ODR4: variants seen among roughly 807,000 people sequenced by gnomAD.
ODR4 encodes odr-4 GPCR localization factor homolog, also known as protein odr-4 homolog.
Under a neutral mutation model 60.2 loss-of-function variants are expected in ODR4, and 47 were observed. That is an observed-to-expected ratio of 0.78 (90% CI 0.62 to 1.00). ODR4 has a LOEUF of 1.00. ODR4 is among the 50% of genes least tolerant of loss of function. ODR4 has a pLI of 0.00. For synonymous variants in ODR4, 178 were observed against 175.5 expected (o/e 1.01, Z -0.11); for missense variants, 488 against 530.8 (o/e 0.92, Z 0.79).
chr1:186,395,537 A>AT (rs1571678102), intron 9 of ODR4, among the ~76,000 whole-genome samples: 1 of 152,104 alleles, frequency 6.6e-6, no homozygotes, highest in Non-Finnish European at 1.5e-5. Context: ...AGTCTTATTG[A>AT]TTCCTTATTT....
At chr1:186,381,134 T>C (rs1660002229) in intron 2 of ODR4, among the ~76,000 whole-genome samples, 2 of 152,210 alleles carry the variant, frequency 1.3e-5, no homozygotes, top group African/African-American at 4.8e-5. Flanking sequence ...AGGAGTTTTC[T>C]ATTTAAGTTT....
At chr1:186,382,347 C>T (rs1272061473) in intron 2 of ODR4, among the ~76,000 whole-genome samples, 21 of 151,668 alleles carry the variant, frequency 1.4e-4, no homozygotes, top group Admixed American at 1.4e-3. Flanking sequence ...ATTGCTTGAG[C>T]CCAGGAGTGC....
At chr1:186,391,039 A>T (rs1228731985) in intron 7 of ODR4, among the ~76,000 whole-genome samples, 188 bp downstream of exon 7, 1 of 152,242 alleles carries the variant, frequency 6.6e-6, no homozygotes, top group African/African-American at 2.4e-5. Context: ...GAACAATGTC[A>T]TAATACTAGT....
intron 12 of ODR4, among the ~76,000 whole-genome samples, chr1:186,414,728 G>A (rs1345279052): frequency 1.3e-5 from 2 of 152,006 alleles, no homozygotes; most frequent in Admixed American, 6.6e-5. Context: ...CACCATGTTA[G>A]CCAGGATGAT....
chr1:186,421,771 G>A (rs1256072887), downstream of ODR4, among the ~76,000 whole-genome samples: 3 of 150,928 alleles, frequency 2.0e-5, no homozygotes, highest in African/African-American at 7.3e-5. Context: ...GGCTGAGGTG[G>A]GAGAATCACT....
chr1:186,413,244 A>C (rs1571699817), intron 12 of ODR4, among the ~76,000 whole-genome samples: 1 of 152,032 alleles, frequency 6.6e-6, no homozygotes, highest in African/African-American at 2.4e-5. Flanking sequence ...CAGATTAGGG[A>C]TGCTCAACAA....
chr1:186,402,206 C>CTTTCTTTCTTTCTTTT (rs1660996972), intron 11 of ODR4, among the ~76,000 whole-genome samples: 1 of 146,480 alleles, frequency 6.8e-6, no homozygotes, highest in African/African-American at 2.5e-5. Context: ...TTCTTTCTTT[C>CTTTCTTTCTTTCTTTT]TTTCTTTCTT....
intron 12 of ODR4, among the ~76,000 whole-genome samples, chr1:186,411,460 T>C (rs532089622): frequency 1.3e-5 from 2 of 152,264 alleles, no homozygotes; most frequent in East Asian, 3.9e-4. Context: ...GTTTTAATTT[T>C]AGCCTCAAAA....
downstream of ODR4, among the ~76,000 whole-genome samples, chr1:186,422,756 T>TG (rs1661815553): frequency 6.6e-6 from 1 of 152,142 alleles, no homozygotes; most frequent in Non-Finnish European, 1.5e-5. Flanking sequence ...TGGCTTTAAA[T>TG]GCTTAAGGGA....
chr1:186,403,271 A>G (rs1571689462), intron 11 of ODR4, among the ~76,000 whole-genome samples: 2 of 152,210 alleles, frequency 1.3e-5, no homozygotes, highest in East Asian at 3.9e-4. Context: ...TTTTGTGGAT[A>G]CATAGTAGGT....
chr1:186,416,750 G>C (rs1183342216), intron 12 of ODR4, among the ~76,000 whole-genome samples: 3 of 150,700 alleles, frequency 2.0e-5, no homozygotes, highest in African/African-American at 4.9e-5. Context: ...CAGCTACTCA[G>C]GAGGTTGAGG....
chr1:186,381,485 G>T (rs1045960988), intron 2 of ODR4, among the ~76,000 whole-genome samples: 1 of 151,990 alleles, frequency 6.6e-6, no homozygotes, highest in Non-Finnish European at 1.5e-5. Context: ...CCGCCACCTC[G>T]CCCGGCTAAT....
chr1:186,383,531 C>CAGA (rs1334099708), intron 3 of ODR4, among the ~76,000 whole-genome samples: 1 of 151,880 alleles, frequency 6.6e-6, no homozygotes, highest in Admixed American at 6.6e-5. Context: ...CACACGTAAA[C>CAGA]CTATGTGACA....
At chr1:186,392,446 T>C (rs1008694089) in intron 8 of ODR4, among the ~76,000 whole-genome samples, 1 of 152,238 alleles carries the variant, frequency 6.6e-6, no homozygotes, top group Non-Finnish European at 1.5e-5. Context: ...CATGGAATAC[T>C]GTGCAGCCAT....
At chr1:186,423,056 T>C (rs1661821293), downstream of ODR4, among the ~76,000 whole-genome samples, 1 of 152,132 alleles carries the variant, frequency 6.6e-6, no homozygotes, top group African/African-American at 2.4e-5. Flanking sequence ...TCTAGAAAAC[T>C]GCAATTTACT....
downstream of ODR4, among the ~76,000 whole-genome samples, chr1:186,424,311 AGAAAC>A (rs1196163227): frequency 6.6e-6 from 1 of 152,262 alleles, no homozygotes; most frequent in African/African-American, 2.4e-5. Context: ...AAGCTATAAA[AGAAAC>A]CTAAACTGTA....
chr1:186,383,185 A>G (rs1395568853), intron 3 of ODR4, 29 bp downstream of exon 3: 1 of 1,536,660 alleles, frequency 6.5e-7, no homozygotes, highest in African/African-American at 1.4e-5. Context: ...TTATATGTTT[A>G]AGTTTTATTT....
intron 3 of ODR4, 27 bp downstream of exon 3, chr1:186,383,183 T>A (rs2102018875): frequency 6.5e-7 from 1 of 1,536,124 alleles, no homozygotes; most frequent in Non-Finnish European, 8.8e-7. Flanking sequence ...GTTTATATGT[T>A]TAAGTTTTAT....
At chr1:186,432,872 A>G in the ODR4 span, among the ~76,000 whole-genome samples, 2 of 148,572 alleles carry the variant, frequency 1.3e-5, no homozygotes, top group Non-Finnish European at 3.0e-5. Context: ...TGCAACCTCC[A>G]CTTCCTGGGT....
Sources: allele counts gnomAD v4.1 joint callset (sites outside exome capture counted in the v4.1 genomes callset), GRCh38; gene constraint gnomAD v4.1.1; transcripts MANE v1.5; gene names NCBI Gene and HGNC (gene_info 2026-07-23, HGNC 2026-07-21).